VIL1: variants seen among roughly 807,000 people sequenced by gnomAD.
VIL1 encodes villin-1.
In VIL1, 86 loss-of-function variants were observed where a neutral mutation model predicts 104.0. That is an observed-to-expected ratio of 0.83 (90% CI 0.69 to 0.99). The LOEUF is 0.99. Ranked by LOEUF, VIL1 falls within the 50% of genes least tolerant of loss-of-function variation. The pLI is 0.00. For synonymous variants in VIL1, 394 were observed against 412.6 expected (o/e 0.95, Z 0.55); for missense variants, 944 against 1,054.1 (o/e 0.90, Z 1.45).
At chr2:218,420,238 T>C (rs80232417) in intron 1 of VIL1, among the ~76,000 whole-genome samples, 2 of 151,980 alleles carry the variant, frequency 1.3e-5, no homozygotes, top group Admixed American at 1.3e-4. Flanking sequence ...AAGACCAGCC[T>C]GACCAACATA....
chr2:218,432,847 C>G lies in VIL1; in HGVS notation c.1396C>G (p.Leu466Val). 6.2e-7 allele frequency: 1 copy of G among 1,614,230 alleles called. No homozygotes were observed. Among genetic ancestry groups the G allele is most frequent in the Non-Finnish European group, 8.5e-7 (1 of 1,180,048 alleles). Residue 466 changes from leucine (L) to valine (V), a missense_variant, in exon 13 of 20, where the codon CTG (leucine) becomes GTG (valine). Leu to Val is a conservative substitution (Grantham distance 32). Coordinates refer to ENST00000248444, the MANE Select transcript of VIL1 (RefSeq NM_007127.3). ...ITASAYQAVI[L>V]DQKYNGEPVQ... is the part of the protein sequence containing the mutation. ...AGCATCAGCTTATCAAGCCGTCATC[C>G]TGGACCAGAAGTACAATGGTGAACC...
At chr2:218,443,909 C>T (rs927386129) in intron 19 of VIL1, among the ~76,000 whole-genome samples, 1 of 152,208 alleles carries the variant, frequency 6.6e-6, no homozygotes, top group African/African-American at 2.4e-5. Flanking sequence ...CCTGCCTCTG[C>T]CTCCCGAAGT....
Position 218,453,041 on chromosome 2 carries a change from A to G in VIL1, c.*3705A>G, listed in dbSNP as rs191906272. On this transcript the variant is annotated 3_prime_UTR_variant, in exon 20 of 20. Coordinates refer to ENST00000248444, the MANE Select transcript of VIL1 (RefSeq NM_007127.3). ...ACCACTCTACCATTTTGGAACATTC[A>G]TTACAATAAGGTATATAGGTAGATG... 1 of 152,338 alleles carries G rather than the reference A, an allele frequency of 6.6e-6. No homozygotes were observed. Among genetic ancestry groups the G allele is most frequent in the East Asian group, 1.9e-4 (1 of 5,194 alleles). 9.4% of individuals were successfully genotyped at this position (152,338 alleles called of 1,614,324 possible).
intron 18 of VIL1, 48 bp from the exon 19 acceptor site, chr2:218,440,674 T>C (rs1489138310): frequency 1.2e-6 from 2 of 1,610,774 alleles, no homozygotes; most frequent in Non-Finnish European, 1.7e-6. Flanking sequence ...GCCTGGGAGG[T>C]AGCTGTGCAC....
At chr2:218,423,906 A>AAGGCCAAGGAGGGAGGCC (rs1688934439) in intron 2 of VIL1, 53 bp downstream of exon 2, 1 of 1,597,928 alleles carries the variant, frequency 6.3e-7, no homozygotes. Flanking sequence ...GGAGGGAGGC[A>AAGGCCAAGGAGGGAGGCC]AGGCCAAGGA....
At chr2:218,424,493 C>A (rs1688947071) in intron 3 of VIL1, 142 bp downstream of exon 3, 1 of 822,716 alleles carries the variant, frequency 1.2e-6, no homozygotes, top group Non-Finnish European at 1.9e-6. Context: ...AAGTGCCCAA[C>A]CCTGTGGGGG....
chr2:218,443,436 G>C (rs1314367515), intron 19 of VIL1, among the ~76,000 whole-genome samples: 1 of 151,888 alleles, frequency 6.6e-6, no homozygotes, highest in African/African-American at 2.4e-5. Flanking sequence ...GACCTTAGGT[G>C]ATCTGCCCAC....
Position 218,428,304 on chromosome 2 carries a change from T to C in VIL1, c.534T>C (p.Asn178=), listed in dbSNP as rs760128438. ...TTGGGAAGCTTATCATCCAGTGGAA[T>C]GGACCGGAAAGCACCCGTATGGAGA... ...LDLGKLIIQW[N]GPESTRMERL... is the part of the protein sequence containing the mutation. The change falls in exon 6 of 20, where the codon AAT becomes AAC. Residue 178 remains asparagine (N), a synonymous_variant. Coordinates refer to ENST00000248444, the MANE Select transcript of VIL1 (RefSeq NM_007127.3). 11 of 1,614,066 alleles carry C rather than the reference T, an allele frequency of 6.8e-6. No homozygotes were observed. Among genetic ancestry groups the C allele is most frequent in the Non-Finnish European group, 9.3e-6 (11 of 1,180,040 alleles).
rs1204189734 is a variant in VIL1 at position 218,422,083 on chromosome 2, C to T, written c.-11-1685C>T. Among the ~76,000 whole-genome samples the T allele has an allele frequency of 4.6e-5, 7 of 152,046 alleles. No individual in the cohort carries two copies. The South Asian group carries it at 6.2e-4, about 14-fold the overall frequency. On this transcript the variant is annotated intron_variant, in intron 1 of 19. Coordinates refer to ENST00000248444, the MANE Select transcript of VIL1 (RefSeq NM_007127.3). Reference sequence around the variant, plus strand: ...AGCCTGGCCAACATGGTGAAACCCCCGTCTCTATTAAAAATACAAAAATTA... The same window carrying T: ...AGCCTGGCCAACATGGTGAAACCCCTGTCTCTATTAAAAATACAAAAATTA...
Position 218,437,266 on chromosome 2 carries a change from C to T in VIL1, c.2114C>T (p.Pro705Leu), listed in dbSNP as rs748886128. The change falls in exon 17 of 20, where the codon CCC becomes CTC. Residue 705 changes from proline (P) to leucine (L), a missense_variant. Transcript: ENST00000248444. ...IIVVKQGHEPPTFTGWFLAWD... is the reference protein window; with the variant it reads ...IIVVKQGHEPLTFTGWFLAWD... Reference sequence around the variant, plus strand: ...GTGGTGAAGCAGGGACACGAGCCCCCCACCTTCACAGGCTGGTTCCTGGCT... The same window carrying T: ...GTGGTGAAGCAGGGACACGAGCCCCTCACCTTCACAGGCTGGTTCCTGGCT... 42 of 1,614,092 alleles carry T rather than the reference C, an allele frequency of 2.6e-5. No individual in the cohort carries two copies. Among genetic ancestry groups the T allele is most frequent in the Non-Finnish European group, 3.6e-5 (42 of 1,180,036 alleles).
intron 9 of VIL1, 52 bp downstream of exon 9, chr2:218,429,999 G>A (rs769851321): frequency 4.6e-6 from 7 of 1,516,630 alleles, no homozygotes; most frequent in Non-Finnish European, 4.5e-6. Flanking sequence ...TGATGGGAGG[G>A]AGAGAGCAGA....
At chr2:218,419,641 C>A (rs1688867363) in intron 1 of VIL1, among the ~76,000 whole-genome samples, 1 of 152,204 alleles carries the variant, frequency 6.6e-6, no homozygotes, top group African/African-American at 2.4e-5. Context: ...CCTCCTGGCT[C>A]CTAGCATATG....
chr2:218,438,772 G>T lies in VIL1; in HGVS notation c.2229+46G>T, dbSNP rs374690918. The T allele has an allele frequency of 3.5e-5, 55 of 1,557,692 alleles. No homozygotes were observed. The African/African-American group carries it at 6.7e-4, about 19-fold the overall frequency. On this transcript the variant is annotated intron_variant, in intron 18 of 19. Transcript: ENST00000248444. ...CTGGGCCCTGCAGTGGCCAGCTGGT[G>T]GTCAGACCTGTGGGAGCCAAGAACG...
intron 2 of VIL1, among the ~76,000 whole-genome samples, 184 bp from the exon 3 acceptor site, chr2:218,424,093 C>G (rs1688937733): frequency 6.6e-6 from 1 of 152,076 alleles, no homozygotes; most frequent in African/African-American, 2.4e-5. Flanking sequence ...TCATCCCTTC[C>G]TTTCCCTCCA....
At chr2:218,421,087 G>A (rs1688894028) in intron 1 of VIL1, among the ~76,000 whole-genome samples, 1 of 152,148 alleles carries the variant, frequency 6.6e-6, no homozygotes, top group Non-Finnish European at 1.5e-5. Context: ...TCTCCTGGAA[G>A]AAATGAGATC....
At position 218,429,495 on chromosome 2, in the gene VIL1, C is replaced by T. The variant is rs1322417817; in HGVS notation, c.770+8C>T. On this transcript the variant is annotated splice_region_variant and intron_variant, in intron 7 of 19. Transcript: ENST00000248444. Reference sequence around the variant, plus strand: ...TGCACTCAAACTGTACCAGTGAGCGCCCAGCGGGGTCTTCCTGGGTGCTGG... The same window carrying T: ...TGCACTCAAACTGTACCAGTGAGCGTCCAGCGGGGTCTTCCTGGGTGCTGG... The T allele has an allele frequency of 1.2e-6, 2 of 1,613,592 alleles. No homozygotes were observed. Among genetic ancestry groups the T allele is most frequent in the Admixed American group, 3.3e-5 (2 of 60,024 alleles).
intron 10 of VIL1, among the ~76,000 whole-genome samples, chr2:218,431,382 G>A (rs957789211): frequency 3.4e-5 from 5 of 148,462 alleles, no homozygotes; most frequent in Non-Finnish European, 7.4e-5. Context: ...AAGGGGAGCT[G>A]TCAGTGATGT....
chr2:218,439,260 T>C (rs1477559079), intron 18 of VIL1, among the ~76,000 whole-genome samples: 5 of 151,774 alleles, frequency 3.3e-5, no homozygotes, highest in Non-Finnish European at 5.9e-5. Flanking sequence ...TGCATAGAAG[T>C]CGGGGAGATG....
In VIL1 at chr2:218,420,828, G is replaced by A. The variant is rs537889383; in HGVS notation, c.-12+1660G>A. Among the ~76,000 whole-genome samples, 197 of 152,154 alleles carry A rather than the reference G, an allele frequency of 1.3e-3. 1 individual carries two copies. The highest frequency in any genetic ancestry group is 5.8e-3 in the South Asian group (28 of 4,824). ...TCTTGATCTCCTGACCTCGTGATCC[G>A]CCTGCCTCGGCCTCCCAAAGTGCTG... On this transcript the variant is annotated intron_variant, in intron 1 of 19. Coordinates refer to ENST00000248444, the MANE Select transcript of VIL1 (RefSeq NM_007127.3).
Sources: gnomAD v4.1 joint callset for allele counts (sites outside exome capture counted in the v4.1 genomes callset) on GRCh38, gnomAD v4.1.1 for gene constraint, MANE v1.5 for transcripts, NCBI Gene and HGNC (gene_info 2026-07-23, HGNC 2026-07-21) for gene names.